The following WWP2 variants were observed in gnomAD, a reference collection of about 807,000 sequenced individuals.
WWP2 encodes the protein WW domain containing E3 ubiquitin protein ligase 2.
A neutral mutation model predicts 121.0 loss-of-function variants in WWP2; 57 were observed. That is an observed-to-expected ratio of 0.47 (90% CI 0.38 to 0.59). The LOEUF is 0.59. WWP2 is among the 20% of genes least tolerant of loss of function. The probability of loss-of-function intolerance (pLI) is 0.00; values close to 1 mark genes in which losing one functional copy is unlikely to be tolerated. For synonymous variants in WWP2, 449 were observed against 441.3 expected, an observed-to-expected ratio of 1.02 and a Z score of -0.22; for missense variants, 962 against 1,158.9, an observed-to-expected ratio of 0.83 and a Z score of 2.47.
intron 6 of WWP2, among the ~76,000 whole-genome samples, chr16:69,865,884 C>T (rs1566453): frequency 0.61 from 93,257 of 152,044 alleles, 29,115 homozygotes; most frequent in East Asian, 0.9. Context: ...AAAGGAATGC[C>T]GGTCAGTTGC....
At chr16:69,830,843 C>CACA (rs1459786108) in intron 4 of WWP2, among the ~76,000 whole-genome samples, 1 of 152,184 alleles carries the variant, frequency 6.6e-6, no homozygotes, top group African/African-American at 2.4e-5. Flanking sequence ...TCTCTCTAGA[C>CACA]CTGGGGTGGA....
intron 10 of WWP2, among the ~76,000 whole-genome samples, chr16:69,918,844 T>C (rs2058513117): frequency 6.7e-6 from 1 of 149,734 alleles, no homozygotes; most frequent in African/African-American, 2.5e-5. Flanking sequence ...TCCTTTTCTT[T>C]CTTTTTTTTT....
Position 69,935,778 on chromosome 16 carries a change from A to G in WWP2, c.1843-75A>G. 6.5e-7 allele frequency: 1 copy of G among 1,537,872 alleles called. No homozygotes were observed. Among genetic ancestry groups the G allele is most frequent in the Non-Finnish European group, 8.7e-7 (1 of 1,145,484 alleles). On this transcript the variant is annotated intron_variant, in intron 17 of 23. Coordinates refer to ENST00000359154, the MANE Select transcript of WWP2 (RefSeq NM_001270454.2). This position sits in a 1 kb window ranked among gnomAD's most constrained non-coding sequence, Gnocchi z 5.2. Reference sequence around the variant, plus strand: ...GCGGGTAGCGGTAGCAGAGTTTGATACCGAGCATCTGAGAGCTGGTCTTGG... The same window carrying G: ...GCGGGTAGCGGTAGCAGAGTTTGATGCCGAGCATCTGAGAGCTGGTCTTGG...
chr16:69,823,713 C>G (rs1204263540), intron 4 of WWP2, among the ~76,000 whole-genome samples: 1 of 152,208 alleles, frequency 6.6e-6, no homozygotes, highest in Non-Finnish European at 1.5e-5. Flanking sequence ...AGTGATCTGC[C>G]TGCCCCAGCC....
At chr16:69,846,049 C>CAAAAAA (rs57201672) in intron 6 of WWP2, among the ~76,000 whole-genome samples, 17,192 of 45,362 alleles carry the variant, frequency 0.38, 4,893 homozygotes, top group South Asian at 0.5. Context: ...GACTCCATCT[C>CAAAAAA]AAAAAAAAAA....
rs752619899 is a variant in WWP2, at chr16:69,908,747, A to T, written c.915-14A>T. Reference sequence around the variant, plus strand: ...CACTGTGTGTCTCATGCTACCCTTGACTTTATTTTTCAGATGGGAACAGCG... The same window carrying T: ...CACTGTGTGTCTCATGCTACCCTTGTCTTTATTTTTCAGATGGGAACAGCG... On this transcript the variant is annotated splice_polypyrimidine_tract_variant and intron_variant, in intron 8 of 23. Coordinates refer to ENST00000359154, the MANE Select transcript of WWP2 (RefSeq NM_001270454.2). 2.5e-6 allele frequency: 4 copies of T among 1,613,620 alleles called. No individual in the cohort carries two copies. The South Asian group carries it at 4.4e-5, about 18-fold the overall frequency.
intron 9 of WWP2, among the ~76,000 whole-genome samples, chr16:69,916,118 C>T (rs1351290917): frequency 1.3e-5 from 2 of 152,036 alleles, no homozygotes; most frequent in Admixed American, 1.3e-4. Flanking sequence ...AGGAAGGTTC[C>T]AGATTTTTGT....
intron 1 of WWP2, chr16:69,776,202 G>C (rs578175539): frequency 6.6e-6 from 1 of 152,282 alleles, no homozygotes; most frequent in East Asian, 1.9e-4. Context: ...AAACAGAAAG[G>C]CTAAAGAGGG....
At chr16:69,839,633 A>G (rs1467440393) in intron 4 of WWP2, among the ~76,000 whole-genome samples, 1 of 152,272 alleles carries the variant, frequency 6.6e-6, no homozygotes, top group South Asian at 2.1e-4. Context: ...ATACATTTTC[A>G]GGATTGAAAA....
At chr16:69,789,011 T>C (rs1387485631) in intron 2 of WWP2, among the ~76,000 whole-genome samples, 1 of 152,178 alleles carries the variant, frequency 6.6e-6, no homozygotes, top group African/African-American at 2.4e-5. Flanking sequence ...ATGCAAATGT[T>C]ATTTATATAA....
intron 6 of WWP2, among the ~76,000 whole-genome samples, chr16:69,857,368 C>T (rs2057336594): frequency 6.6e-6 from 1 of 152,206 alleles, no homozygotes; most frequent in Non-Finnish European, 1.5e-5. Flanking sequence ...GCTGGGATTA[C>T]AGGTGTGAGC....
At chr16:69,938,567 T>C (rs2152001497) in intron 21 of WWP2, among the ~76,000 whole-genome samples, 1 of 142,712 alleles carries the variant, frequency 7.0e-6, no homozygotes, top group East Asian at 2.0e-4. Flanking sequence ...TGCAGTGAGC[T>C]GGACCGTGCC....
chr16:69,765,446 T>C (rs1440852927), intron 1 of WWP2, among the ~76,000 whole-genome samples: 1 of 152,174 alleles, frequency 6.6e-6, no homozygotes, highest in East Asian at 1.9e-4. Flanking sequence ...TCTTCAATTT[T>C]ATTAGAGAAG....
intron 6 of WWP2, among the ~76,000 whole-genome samples, chr16:69,862,761 C>T (rs1567388477): frequency 2.1e-5 from 3 of 141,790 alleles, no homozygotes; most frequent in Admixed American, 7.2e-5. Flanking sequence ...GCTCTATTGC[C>T]CAGGATAGAG....
chr16:69,804,669 A>G (rs939417774), intron 4 of WWP2, among the ~76,000 whole-genome samples: 2 of 152,022 alleles, frequency 1.3e-5, no homozygotes, highest in Non-Finnish European at 2.9e-5. Flanking sequence ...TCACATCACT[A>G]GATGAACCTT....
At chr16:69,912,718 CTCAG>C (rs2058399031) in intron 9 of WWP2, among the ~76,000 whole-genome samples, 2 of 151,198 alleles carry the variant, frequency 1.3e-5, no homozygotes, top group Admixed American at 6.6e-5. Flanking sequence ...GGATACAGAA[CTCAG>C]TCAGTGTTTT....
intron 1 of WWP2, among the ~76,000 whole-genome samples, chr16:69,771,378 C>T (rs2055411904): frequency 6.6e-6 from 1 of 152,158 alleles, no homozygotes; most frequent in Admixed American, 6.5e-5. Context: ...TCCTGAGTAG[C>T]TGGGATTACA....
intron 6 of WWP2, among the ~76,000 whole-genome samples, chr16:69,870,298 C>CTTTT (rs5817675): frequency 8.1e-6 from 1 of 122,856 alleles, no homozygotes. Context: ...TTTATTTATC[C>CTTTT]TTTTTTTTTT....
At chr16:69,850,883 A>G (rs931120348) in intron 6 of WWP2, among the ~76,000 whole-genome samples, 1 of 152,004 alleles carries the variant, frequency 6.6e-6, no homozygotes, top group Non-Finnish European at 1.5e-5. Flanking sequence ...TCCCCCAAAC[A>G]TATATACTCT....
Sources: allele counts gnomAD v4.1 joint callset (sites outside exome capture counted in the v4.1 genomes callset), GRCh38; gene constraint gnomAD v4.1.1; non-coding constraint Gnocchi (gnomAD v3.1); transcripts MANE v1.5; gene names NCBI Gene and HGNC (gene_info 2026-07-23, HGNC 2026-07-21).